The following ATG10 variants were observed in gnomAD, a reference collection of about 807,000 sequenced individuals.
ATG10 encodes ubiquitin-like-conjugating enzyme ATG10.
A neutral mutation model predicts 32.1 loss-of-function variants in ATG10; 30 were observed. The observed-to-expected ratio is 0.94, with a 90% confidence interval of 0.70 to 1.27. The LOEUF (loss-of-function observed/expected upper bound fraction) is 1.27, where lower values mean the gene tolerates loss of function less well. ATG10 is among the 50% of genes most tolerant of loss of function. The pLI is 0.00. For synonymous variants in ATG10, 87 were observed against 91.5 expected (o/e 0.95, Z 0.28); for missense variants, 233 against 262.3 (o/e 0.89, Z 0.77).
intron 2 of ATG10, among the ~76,000 whole-genome samples, chr5:82,037,878 G>T (rs1247150602): frequency 6.6e-6 from 1 of 151,998 alleles, no homozygotes; most frequent in Non-Finnish European, 1.5e-5. Flanking sequence ...TCTTGATAAT[G>T]AATGCATTAT....
In ATG10 at chr5:82,246,521, T is replaced by TA. The variant is rs59365825; in HGVS notation, c.454-6028dup. 8.1e-4 allele frequency among the ~76,000 whole-genome samples: 114 copies of TA among 141,422 alleles called. 1 individual carries two copies. The highest frequency in any genetic ancestry group is 2.1e-3 in the African/African-American group (80 of 37,932). The allele number at this position is 141,422 out of a possible 152,430, so 92.8% of individuals were successfully genotyped here. A position where few individuals can be genotyped will look rare whatever the true frequency, so the allele number is the denominator to read the frequency against. ...GGCAACATAGTGAGACTTTATCTCT[T>TA]AAAAAAAAAAAAAGAAAAAAAGAAA... is the stretch of plus-strand genomic sequence containing the variant. On this transcript the variant is annotated intron_variant, in intron 5 of 7. Coordinates refer to ENST00000282185, the MANE Select transcript of ATG10 (RefSeq NM_031482.5).
chr5:82,070,249 A>C (rs555616574), intron 3 of ATG10, among the ~76,000 whole-genome samples: 23 of 152,318 alleles, frequency 1.5e-4, no homozygotes, highest in Non-Finnish European at 1.2e-4. Context: ...ACAGCCTGGC[A>C]GACTAAATCT....
chr5:82,065,789 A>C (rs1313412317), intron 3 of ATG10, among the ~76,000 whole-genome samples: 4 of 152,178 alleles, frequency 2.6e-5, no homozygotes, highest in Non-Finnish European at 5.9e-5. Flanking sequence ...TACAAATAGA[A>C]GTGGGAACCA....
chr5:82,024,079 C>T (rs1762526235), intron 2 of ATG10, among the ~76,000 whole-genome samples: 2 of 152,152 alleles, frequency 1.3e-5, no homozygotes, highest in Admixed American at 1.3e-4. Context: ...AAGTAAAAGA[C>T]ATATATGAGA....
chr5:82,245,671 G>A (rs905755886), intron 5 of ATG10, among the ~76,000 whole-genome samples: 2 of 152,024 alleles, frequency 1.3e-5, no homozygotes, highest in Non-Finnish European at 2.9e-5. Flanking sequence ...GTCACATAAA[G>A]GAAACTTGTT....
At position 82,023,007 on chromosome 5, in the gene ATG10, A is replaced by AATAT. The variant is rs140949596; in HGVS notation, c.108+35342_108+35345dup. Among the ~76,000 whole-genome samples, 396 of 148,004 alleles carry AATAT rather than the reference A, an allele frequency of 2.7e-3. 3 individuals carry two copies. Among genetic ancestry groups the AATAT allele is most frequent in the African/African-American group, 9.3e-3 (376 of 40,386 alleles). On this transcript the variant is annotated intron_variant, in intron 2 of 7. Transcript: ENST00000282185. ...AATATGTATATATACACACACATAA[A>AATAT]ATATATATATATATATGTATGTATA...
chr5:82,050,479 A>C (rs1561273720), intron 2 of ATG10, among the ~76,000 whole-genome samples: 3 of 152,030 alleles, frequency 2.0e-5, no homozygotes. Flanking sequence ...TTTAGATTCT[A>C]TTCAGTAACT....
chr5:82,122,806 G>T (rs1361264279), intron 3 of ATG10, among the ~76,000 whole-genome samples: 2 of 152,166 alleles, frequency 1.3e-5, no homozygotes, highest in African/African-American at 4.8e-5. Flanking sequence ...AAACCACAAT[G>T]TGATACCATC....
chr5:82,205,618 A>G (rs187319451), intron 5 of ATG10, among the ~76,000 whole-genome samples: 53 of 152,260 alleles, frequency 3.5e-4, no homozygotes, highest in African/African-American at 1.1e-3. Context: ...TTTATTTTTT[A>G]TTTTCTGTGA....
intron 3 of ATG10, among the ~76,000 whole-genome samples, chr5:82,112,176 C>A (rs990231461): frequency 6.6e-6 from 1 of 151,880 alleles, no homozygotes; most frequent in South Asian, 2.1e-4. Context: ...GCTGTTAGAT[C>A]ATTTCTTCCT....
At chr5:82,084,112 A>G (rs1172272657) in intron 3 of ATG10, among the ~76,000 whole-genome samples, 3 of 152,230 alleles carry the variant, frequency 2.0e-5, no homozygotes, top group Non-Finnish European at 4.4e-5. Flanking sequence ...GCTAACTAGA[A>G]TAAACAGTGT....
chr5:82,160,273 G>A (rs769910520), intron 3 of ATG10, among the ~76,000 whole-genome samples: 5 of 152,072 alleles, frequency 3.3e-5, no homozygotes, highest in Non-Finnish European at 7.4e-5. Context: ...GGAATCATAC[G>A]GTATATAACT....
intron 3 of ATG10, among the ~76,000 whole-genome samples, chr5:82,109,202 T>TTGAGGA (rs1765536608): frequency 1.3e-5 from 2 of 151,980 alleles, no homozygotes; most frequent in Non-Finnish European, 1.5e-5. Context: ...AATCAGCAAA[T>TTGAGGA]ATTTGCATTC....
intron 1 of ATG10, among the ~76,000 whole-genome samples, chr5:81,978,664 G>A (rs1462042166): frequency 1.3e-5 from 2 of 151,846 alleles, no homozygotes; most frequent in Non-Finnish European, 2.9e-5. Flanking sequence ...TTTTTTTGTT[G>A]TTGTTTGTTT....
intron 3 of ATG10, among the ~76,000 whole-genome samples, chr5:82,104,936 G>C (rs902295731): frequency 6.6e-6 from 1 of 152,068 alleles, no homozygotes; most frequent in Admixed American, 6.6e-5. Context: ...TAGGTGTTTT[G>C]AAATAAATGT....
At chr5:82,165,029 A>G (rs1349429561) in intron 4 of ATG10, among the ~76,000 whole-genome samples, 1 of 152,184 alleles carries the variant, frequency 6.6e-6, no homozygotes, top group East Asian at 1.9e-4. Context: ...TACATCTCCA[A>G]TGCCTTAGCT....
intron 2 of ATG10, among the ~76,000 whole-genome samples, chr5:81,987,981 T>C (rs1761339530): frequency 6.6e-6 from 1 of 152,190 alleles, no homozygotes; most frequent in Non-Finnish European, 1.5e-5. Flanking sequence ...GTTTCTGTGG[T>C]GCTTCAAATC....
At chr5:82,074,338 C>T (rs986402553) in intron 3 of ATG10, among the ~76,000 whole-genome samples, 7 of 152,068 alleles carry the variant, frequency 4.6e-5, no homozygotes, top group African/African-American at 1.7e-4. Flanking sequence ...GGTGGGGGAG[C>T]TTTCTATTGT....
At chr5:82,178,903 A>G (rs907485919) in intron 5 of ATG10, among the ~76,000 whole-genome samples, 2 of 152,098 alleles carry the variant, frequency 1.3e-5, no homozygotes, top group Non-Finnish European at 2.9e-5. Flanking sequence ...TTGACTTACA[A>G]TGGGAATACA....
Sources: allele counts gnomAD v4.1 joint callset (sites outside exome capture counted in the v4.1 genomes callset), GRCh38; gene constraint gnomAD v4.1.1; transcripts MANE v1.5; gene names NCBI Gene and HGNC (gene_info 2026-07-23, HGNC 2026-07-21).